The following PTPRT variants were observed in gnomAD, a reference collection of about 807,000 sequenced individuals.
PTPRT encodes the protein receptor-type tyrosine-protein phosphatase T.
PTPRT carries 56 observed loss-of-function variants against 176.8 expected under a neutral mutation model. The ratio of observed to expected loss-of-function variants is 0.32; its 90% confidence interval spans 0.26 to 0.40. The LOEUF (loss-of-function observed/expected upper bound fraction) is 0.40, where lower values mean the gene tolerates loss of function less well. PTPRT is among the 10% of genes least tolerant of loss of function. The pLI is 1.00. For missense variants in PTPRT, 1,540 were observed against 1,908.2 expected, an observed-to-expected ratio of 0.81 and a Z score of 3.60; for synonymous variants, 783 against 739.0, an observed-to-expected ratio of 1.06 and a Z score of -0.96.
chr20:42,384,780 C>T (rs2058729264), intron 9 of PTPRT, among the ~76,000 whole-genome samples: 1 of 152,274 alleles, frequency 6.6e-6, no homozygotes, highest in African/African-American at 2.4e-5. Flanking sequence ...AAAATAATAG[C>T]TATCCTAGCC....
At position 42,315,878 on chromosome 20, in the gene PTPRT, G is replaced by A. The variant is rs2057713450; in HGVS notation, c.1984C>T (p.His662Tyr). Reference protein sequence around the residue: ...YRNASSLDSLHYFAAELKPAN... With the variant: ...YRNASSLDSLYYFAAELKPAN... ...GGCTTCAACTCAGCAGCAAAGTAGT[G>A]TAGAGAATCGAGGCTGGAGGCATTC... Residue 662 changes from histidine (H) to tyrosine (Y), a missense_variant, in exon 12 of 31, where the codon CAC becomes TAC. Transcript: ENST00000373187. 1.2e-6 allele frequency: 2 copies of A among 1,614,186 alleles called. No homozygotes were observed. The highest frequency in any genetic ancestry group is 8.5e-7 in the Non-Finnish European group (1 of 1,180,046).
rs1982881284 is a variant in PTPRT, at chr20:42,077,404, CCAAA to C, written c.*3471_*3474del. ...TTCTCATTACTTCCTTGCATCTTCC[CCAAA>C]CAGAGCCCACATCTATGAGGTAAGA... On this transcript the variant is annotated 3_prime_UTR_variant, in exon 31 of 31. Coordinates refer to ENST00000373187, the MANE Select transcript of PTPRT (RefSeq NM_007050.6). 1 of 220,016 alleles carries C rather than the reference CCAAA, an allele frequency of 4.5e-6. No homozygotes were observed. Among genetic ancestry groups the C allele is most frequent in the South Asian group, 1.8e-4 (1 of 5,434 alleles). 13.6% of individuals were successfully genotyped at this position (220,016 alleles called of 1,614,324 possible).
At chr20:43,008,928 A>G (rs1364710544) in intron 1 of PTPRT, among the ~76,000 whole-genome samples, 1 of 152,174 alleles carries the variant, frequency 6.6e-6, no homozygotes, top group Non-Finnish European at 1.5e-5. Flanking sequence ...TGGTCACTCA[A>G]GCACCTCTCA....
intron 11 of PTPRT, among the ~76,000 whole-genome samples, chr20:42,348,370 T>TTTTATTTA (rs145685236): frequency 0.39 from 56,728 of 146,364 alleles, 11,389 homozygotes; most frequent in East Asian, 0.64. Context: ...GTGACATTTC[T>TTTTATTTA]TTTATTTATT....
intron 14 of PTPRT, among the ~76,000 whole-genome samples, chr20:42,241,302 G>A (rs1243386439): frequency 5.9e-5 from 9 of 152,154 alleles, no homozygotes; most frequent in Non-Finnish European, 2.9e-5. Context: ...AAGTCAGATG[G>A]AGGAGAGGGG....
intron 12 of PTPRT, among the ~76,000 whole-genome samples, chr20:42,295,084 T>C (rs956377210): frequency 1.3e-5 from 2 of 152,100 alleles, no homozygotes; most frequent in African/African-American, 4.8e-5. Context: ...AGAAAAATTA[T>C]TGGAAGTAAA....
chr20:42,392,200 T>A (rs1337850288), intron 9 of PTPRT, among the ~76,000 whole-genome samples: 2 of 152,232 alleles, frequency 1.3e-5, no homozygotes, highest in Non-Finnish European at 2.9e-5. Flanking sequence ...CACTCAGTTC[T>A]AACACATATG....
At chr20:42,926,953 T>C (rs966499916) in intron 1 of PTPRT, among the ~76,000 whole-genome samples, 2 of 152,152 alleles carry the variant, frequency 1.3e-5, no homozygotes, top group Admixed American at 1.3e-4. Context: ...AGATGGCTAT[T>C]ACCAGGGAAA....
chr20:42,723,814 G>T (rs1169320728), intron 6 of PTPRT, among the ~76,000 whole-genome samples: 1 of 152,190 alleles, frequency 6.6e-6, no homozygotes. Flanking sequence ...GGGATGGGCA[G>T]ATCAGAAGGC....
At chr20:42,278,320 AT>A (rs2057082146) in intron 13 of PTPRT, among the ~76,000 whole-genome samples, 2 of 130,190 alleles carry the variant, frequency 1.5e-5, no homozygotes, top group Admixed American at 1.5e-4. Flanking sequence ...TAGCCAAAGC[AT>A]TTCAGAGAGA....
intron 14 of PTPRT, among the ~76,000 whole-genome samples, chr20:42,242,574 A>G (rs935768164): frequency 2.6e-5 from 4 of 152,256 alleles, no homozygotes; most frequent in African/African-American, 4.8e-5. Context: ...GTCCTTAAAC[A>G]TGGGTAATAG....
At chr20:42,584,923 T>C (rs1464828811) in intron 7 of PTPRT, among the ~76,000 whole-genome samples, 1 of 152,178 alleles carries the variant, frequency 6.6e-6, no homozygotes, top group African/African-American at 2.4e-5. Flanking sequence ...GAATAACACA[T>C]TTCAAAATCT....
chr20:42,138,426 G>A (rs1013009673), intron 18 of PTPRT, among the ~76,000 whole-genome samples: 1 of 152,182 alleles, frequency 6.6e-6, no homozygotes, highest in Admixed American at 6.5e-5. Context: ...CCCTCCTACG[G>A]AATCCTTCCT....
intron 7 of PTPRT, among the ~76,000 whole-genome samples, chr20:42,627,765 T>A (rs57329111): frequency 0.12 from 18,307 of 151,700 alleles, 1,162 homozygotes; most frequent in South Asian, 0.15. Context: ...ATTTTTTTTT[T>A]AAAAAAAGCT....
chr20:42,891,074 T>C (rs2079184090), intron 1 of PTPRT, among the ~76,000 whole-genome samples: 1 of 152,232 alleles, frequency 6.6e-6, no homozygotes. Flanking sequence ...AACCTGTTTC[T>C]TTATAAATTA....
intron 2 of PTPRT, among the ~76,000 whole-genome samples, chr20:42,822,933 T>C (rs1015190840): frequency 3.3e-5 from 5 of 152,186 alleles, no homozygotes; most frequent in Admixed American, 3.3e-4. Flanking sequence ...TAAATGATTT[T>C]ACACTGTTGG....
chr20:42,289,285 T>C (rs2057281364), intron 12 of PTPRT, among the ~76,000 whole-genome samples: 1 of 151,910 alleles, frequency 6.6e-6, no homozygotes, highest in South Asian at 2.1e-4. Flanking sequence ...GGAACCTAAT[T>C]AACTGAAGAG....
At chr20:43,112,100 T>C (rs1490832480) in intron 1 of PTPRT, among the ~76,000 whole-genome samples, 2 of 152,216 alleles carry the variant, frequency 1.3e-5, no homozygotes, top group African/African-American at 4.8e-5. Flanking sequence ...AAACCCAAAT[T>C]ACCTCTATTG....
chr20:42,225,644 T>C (rs2055989682), intron 15 of PTPRT, among the ~76,000 whole-genome samples: 1 of 152,172 alleles, frequency 6.6e-6, no homozygotes, highest in African/African-American at 2.4e-5. Flanking sequence ...AGTGAATGAA[T>C]GTGTCATTTT....
Sources: gnomAD v4.1 joint callset for allele counts (sites outside exome capture counted in the v4.1 genomes callset) on GRCh38, gnomAD v4.1.1 for gene constraint, MANE v1.5 for transcripts, NCBI Gene and HGNC (gene_info 2026-07-23, HGNC 2026-07-21) for gene names.